FRAS1: variants seen among roughly 807,000 people sequenced by gnomAD.
FRAS1 encodes Fraser extracellular matrix complex subunit 1.
In FRAS1, 290 loss-of-function variants were observed where a neutral mutation model predicts 435.2. That is an observed-to-expected ratio of 0.67 (90% confidence interval 0.61 to 0.73). The LOEUF is 0.73. Among genes scored for constraint, FRAS1 ranks in the 30% least tolerant of loss-of-function variants. The pLI is 0.00. For missense variants in FRAS1, 4,860 were observed against 5,001.5 expected (o/e 0.97, Z 0.85); for synonymous variants, 1,800 against 1,851.0 (o/e 0.97, Z 0.71).
intron 2 of FRAS1, among the ~76,000 whole-genome samples, chr4:78,126,160 C>T (rs1375374666): frequency 1.3e-5 from 2 of 152,192 alleles, no homozygotes; most frequent in Non-Finnish European, 2.9e-5. Flanking sequence ...TCTCAGACTG[C>T]TGCACTAGCA....
At chr4:78,196,042 C>T (rs553663875) in intron 2 of FRAS1, among the ~76,000 whole-genome samples, 44 of 151,046 alleles carry the variant, frequency 2.9e-4, no homozygotes, top group African/African-American at 1.1e-3. Flanking sequence ...GAGTCTTGCT[C>T]TGTCACCCAG....
chr4:78,124,573 G>A (rs772461402), intron 2 of FRAS1, among the ~76,000 whole-genome samples: 8 of 152,166 alleles, frequency 5.3e-5, no homozygotes, highest in Non-Finnish European at 1.2e-4. Context: ...TGTACCTTTG[G>A]TAGAATTAGG....
intron 2 of FRAS1, among the ~76,000 whole-genome samples, chr4:78,155,697 A>G (rs2110017157): frequency 6.6e-6 from 1 of 152,308 alleles, no homozygotes; most frequent in East Asian, 1.9e-4. Context: ...TGGTCAGATG[A>G]AATGTTATTC....
intron 2 of FRAS1, among the ~76,000 whole-genome samples, chr4:78,073,652 T>C (rs537777396): frequency 5.9e-5 from 9 of 152,376 alleles, no homozygotes; most frequent in African/African-American, 1.7e-4. Context: ...GTCACTAATT[T>C]ATGACACCTT....
In FRAS1 at chr4:78,427,973, A is replaced by G. The variant is rs925703098; in HGVS notation, c.4712-1122A>G. The stretch of plus-strand genomic sequence containing the variant: ...CAACACATAGACAAGCTTATCACAC[A>G]TTTAAAATAATTAACAGTGCAGTTT... On this transcript the variant is annotated intron_variant, in intron 35 of 73. Coordinates refer to ENST00000512123, the MANE Select transcript of FRAS1 (RefSeq NM_025074.7). Among the ~76,000 whole-genome samples, 4 of 152,254 alleles carry G rather than the reference A, an allele frequency of 2.6e-5. No individual in the cohort carries two copies. The East Asian group carries it at 5.8e-4, about 22-fold the overall frequency.
intron 2 of FRAS1, among the ~76,000 whole-genome samples, chr4:78,192,860 A>G (rs1376502772): frequency 1.3e-5 from 2 of 152,152 alleles, no homozygotes; most frequent in African/African-American, 4.8e-5. Flanking sequence ...TTGAATTGCA[A>G]TGTTAGGGTG....
At chr4:78,102,989 G>C (rs997605174) in intron 2 of FRAS1, among the ~76,000 whole-genome samples, 1 of 152,152 alleles carries the variant, frequency 6.6e-6, no homozygotes, top group Non-Finnish European at 1.5e-5. Flanking sequence ...TCATTCTGGA[G>C]CATGAAAAGA....
chr4:78,229,470 G>T (rs1724422472), intron 2 of FRAS1, among the ~76,000 whole-genome samples: 1 of 152,180 alleles, frequency 6.6e-6, no homozygotes, highest in Non-Finnish European at 1.5e-5. Flanking sequence ...CCTGGAGGAT[G>T]TGTGGAAGTT....
At chr4:78,509,987 G>A (rs17469341) in intron 63 of FRAS1, among the ~76,000 whole-genome samples, 21,959 of 152,200 alleles carry the variant, frequency 0.14, 1,904 homozygotes, top group Non-Finnish European at 0.21. Context: ...ACTAGACATA[G>A]ATGGGAGGCT....
chr4:78,328,072 G>C (rs1358613858), intron 18 of FRAS1, among the ~76,000 whole-genome samples: 1 of 152,116 alleles, frequency 6.6e-6, no homozygotes, highest in African/African-American at 2.4e-5. Flanking sequence ...CGTTCATTGA[G>C]CTTATTTCTA....
At chr4:78,209,987 T>C (rs935993362) in intron 2 of FRAS1, among the ~76,000 whole-genome samples, 2 of 152,106 alleles carry the variant, frequency 1.3e-5, no homozygotes, top group African/African-American at 4.8e-5. Flanking sequence ...AATAGCAGAG[T>C]TGCCTAAGCT....
chr4:78,477,258 G>A (rs546416633), intron 54 of FRAS1, among the ~76,000 whole-genome samples: 87 of 152,258 alleles, frequency 5.7e-4, no homozygotes, highest in African/African-American at 2.0e-3. Flanking sequence ...AATATCTTAT[G>A]TTTGTTTGGT....
chr4:78,125,364 T>C (rs530293934), intron 2 of FRAS1, among the ~76,000 whole-genome samples: 15 of 152,358 alleles, frequency 9.8e-5, no homozygotes, highest in Middle Eastern at 3.4e-3. Flanking sequence ...CAGTTTGTTA[T>C]AATTTCTGTT....
At position 78,489,968 on chromosome 4, in the gene FRAS1, CAAAAAAAA is replaced by C. The variant is rs61568957; in HGVS notation, c.8958+900_8958+907del. ...ACTCACCACTAAAGCTAGTGGAAAACAAAAAAAAAAAAAAAAAAAGAAAAGCAGGGGTT... is the reference window on the plus strand; with the variant it reads ...ACTCACCACTAAAGCTAGTGGAAAACAAAAAAAAAAAGAAAAGCAGGGGTT... On this transcript the variant is annotated intron_variant, in intron 59 of 73. Coordinates refer to ENST00000512123, the MANE Select transcript of FRAS1 (RefSeq NM_025074.7). 6.7e-4 allele frequency among the ~76,000 whole-genome samples: 62 copies of C among 92,612 alleles called. 1 individual carries two copies. In the South Asian group the frequency reaches 0.026, roughly 38 times the overall value. The allele number at this position is 92,612 out of a possible 152,430, so 60.8% of individuals were successfully genotyped here.
chr4:78,283,077 A>C, intron 12 of FRAS1, 110 bp downstream of exon 12: 4 of 803,456 alleles, frequency 5.0e-6, no homozygotes, highest in Non-Finnish European at 7.1e-6. Flanking sequence ...TAGTTAACCA[A>C]TGGGTTTGTT....
intron 2 of FRAS1, among the ~76,000 whole-genome samples, chr4:78,086,630 A>C (rs1741188841): frequency 6.6e-6 from 1 of 152,258 alleles, no homozygotes; most frequent in Non-Finnish European, 1.5e-5. Flanking sequence ...AACTACCATC[A>C]GAGAATACTA....
At chr4:78,181,688 T>G in intron 2 of FRAS1, 1 of 1,609,828 alleles carries the variant, frequency 6.2e-7, no homozygotes, top group Non-Finnish European at 8.5e-7. Context: ...TATTTTCCCC[T>G]CACCCTGAAG....
At chr4:78,330,090 C>G (rs1215571912) in intron 18 of FRAS1, among the ~76,000 whole-genome samples, 1 of 152,188 alleles carries the variant, frequency 6.6e-6, no homozygotes, top group African/African-American at 2.4e-5. Context: ...AACAGAGGGA[C>G]CGGCTGAAGC....
At chr4:78,435,322 A>T (rs1210365966) in intron 38 of FRAS1, among the ~76,000 whole-genome samples, 1 of 152,238 alleles carries the variant, frequency 6.6e-6, no homozygotes, top group African/African-American at 2.4e-5. Context: ...GAATATTAGG[A>T]GGGCAAGGGG....
Sources: gnomAD v4.1 joint callset for allele counts (sites outside exome capture counted in the v4.1 genomes callset) on GRCh38, gnomAD v4.1.1 for gene constraint, MANE v1.5 for transcripts, NCBI Gene and HGNC (gene_info 2026-07-23, HGNC 2026-07-21) for gene names.